MTMR4: variants seen among roughly 807,000 people sequenced by gnomAD.
The protein encoded by MTMR4 is phosphatidylinositol-3,5-bisphosphate 3-phosphatase MTMR4.
Under a neutral mutation model 125.5 loss-of-function variants are expected in MTMR4, and 30 were observed. The observed-to-expected ratio is 0.24, with a 90% CI of 0.18 to 0.32. The LOEUF (loss-of-function observed/expected upper bound fraction) is 0.32. MTMR4 is among the 10% of genes least tolerant of loss of function. MTMR4 has a pLI of 1.00. For missense variants in MTMR4, 1,039 were observed against 1,511.5 expected, an observed-to-expected ratio of 0.69 and a Z score of 5.18; for synonymous variants, 498 against 564.5, an observed-to-expected ratio of 0.88 and a Z score of 1.67.
At chr17:58,510,814 G>A (rs1287555805) in intron 4 of MTMR4, 1 of 151,956 alleles carries the variant, frequency 6.6e-6, no homozygotes, top group Non-Finnish European at 1.5e-5. Context: ...TAAGCTGAAG[G>A]GATCTTCCCA....
At chr17:58,513,100 A>C (rs1435009378) in intron 1 of MTMR4, among the ~76,000 whole-genome samples, 159 bp from the exon 2 acceptor site, 2 of 152,180 alleles carry the variant, frequency 1.3e-5, no homozygotes, top group African/African-American at 2.4e-5. Context: ...TTGGTTGGAG[A>C]CAGGGAAGGG....
upstream of MTMR4, chr17:58,514,947 C>T (rs368545635): frequency 5.3e-6 from 5 of 937,154 alleles, no homozygotes; most frequent in Non-Finnish European, 5.1e-6. Context: ...CTCACCTACC[C>T]GCACCCCATT....
intron 14 of MTMR4, among the ~76,000 whole-genome samples, chr17:58,502,824 G>A (rs1411786442): frequency 6.6e-6 from 1 of 152,128 alleles, no homozygotes; most frequent in African/African-American, 2.4e-5. Flanking sequence ...ACACCTGTGG[G>A]GACAAGGATC....
Position 58,494,613 on chromosome 17 carries a change from C to T in MTMR4, c.3252+319G>A, listed in dbSNP as rs142910009. On this transcript the variant is annotated intron_variant, in intron 15 of 17. Coordinates refer to ENST00000682306, the MANE Select transcript of MTMR4 (RefSeq NM_001378067.1). ...CATATCATTGGAGTATCTATTGCCA[C>T]TACGCTTCTGCAAATGGTGTTTTGT... Among the ~76,000 whole-genome samples the T allele has an allele frequency of 1.1e-4, 17 of 152,312 alleles. No individual in the cohort carries two copies. In the East Asian group the frequency reaches 1.4e-3, roughly 12 times the overall value.
At chr17:58,499,012 C>T (rs933911627) in intron 14 of MTMR4, among the ~76,000 whole-genome samples, 1 of 152,118 alleles carries the variant, frequency 6.6e-6, no homozygotes. Context: ...GCTGGCTGGT[C>T]TCTGTGCCTC....
At chr17:58,513,803 G>A (rs966582366) in intron 1 of MTMR4, among the ~76,000 whole-genome samples, 8 of 152,044 alleles carry the variant, frequency 5.3e-5, no homozygotes, top group Non-Finnish European at 1.0e-4. Flanking sequence ...GCGGGAGGAG[G>A]GGAGGACCGG....
chr17:58,492,951 G>A lies in MTMR4; in HGVS notation c.3254C>T (p.Thr1085Ile), dbSNP rs761920065. ...ACTGCCATCTGACTCCTTCAAACAT[G>A]TCTGATGAAAAGGCAAAGACAACAA... ...EPPMDYEDDF[T>I]CLKESDGSDT... is the part of the protein sequence containing the mutation. Residue 1085 changes from threonine to isoleucine, a missense_variant and splice_region_variant, in exon 16 of 18, where the codon ACA becomes ATA. Thr to Ile is a moderately conservative substitution (Grantham distance 89). This residue lies in a region of MTMR4 where 619 missense variants were observed against 714.5 expected (regional missense o/e 0.87). Coordinates refer to ENST00000682306, the MANE Select transcript of MTMR4 (RefSeq NM_001378067.1). 1 of 1,613,548 alleles carries A rather than the reference G, an allele frequency of 6.2e-7. No homozygotes were observed. The highest frequency in any genetic ancestry group is 8.5e-7 in the Non-Finnish European group (1 of 1,179,474).
chr17:58,492,793 T>G (rs1307160185), intron 16 of MTMR4, 49 bp downstream of exon 16: 1 of 1,520,678 alleles, frequency 6.6e-7, no homozygotes, highest in Non-Finnish European at 9.1e-7. Flanking sequence ...GAAAATATGA[T>G]GACTCACTGG....
rs1236115396 is a variant in MTMR4, at chr17:58,490,302, T to C, written c.*1361A>G. On this transcript the variant is annotated 3_prime_UTR_variant, in exon 18 of 18. Transcript: ENST00000682306. ...TAAGGAAAACTGTATAAAGTCCTAG[T>C]GGTTTCATTATAGGCCAAGGAGACT... 1 of 152,760 alleles carries C rather than the reference T, an allele frequency of 6.5e-6. No individual in the cohort carries two copies. Among genetic ancestry groups the C allele is most frequent in the African/African-American group, 2.4e-5 (1 of 41,568 alleles). 9.5% of individuals were successfully genotyped at this position (152,760 alleles called of 1,614,324 possible). A position where few individuals can be genotyped will look rare whatever the true frequency, so the allele number is the denominator to read the frequency against.
rs1359991906 is a variant in MTMR4 at position 58,489,732 on chromosome 17, C to T, written c.*1931G>A. ...TCTCCAAGGCCATGCAGTTTGTTCACTGATGGGACAGTCCCTCAAAACAGC... is the reference window on the plus strand; with the variant it reads ...TCTCCAAGGCCATGCAGTTTGTTCATTGATGGGACAGTCCCTCAAAACAGC... On this transcript the variant is annotated 3_prime_UTR_variant, in exon 18 of 18. Coordinates refer to ENST00000682306, the MANE Select transcript of MTMR4 (RefSeq NM_001378067.1). 2 of 152,490 alleles carry T rather than the reference C, an allele frequency of 1.3e-5. No homozygotes were observed. The highest frequency in any genetic ancestry group is 2.9e-5 in the Non-Finnish European group (2 of 68,040). The allele number at this position is 152,490 out of a possible 1,614,324, so 9.4% of individuals were successfully genotyped here. A position where few individuals can be genotyped will look rare whatever the true frequency, so the allele number is the denominator to read the frequency against.
At chr17:58,492,085 A>G (rs1229606250) in intron 17 of MTMR4, among the ~76,000 whole-genome samples, 3 of 152,242 alleles carry the variant, frequency 2.0e-5, no homozygotes, top group Non-Finnish European at 4.4e-5. Flanking sequence ...AAAGTTGGGG[A>G]CAAACAAAAA....
At chr17:58,517,433 G>A (rs564908285), upstream of MTMR4, among the ~76,000 whole-genome samples, 1 of 152,372 alleles carries the variant, frequency 6.6e-6, no homozygotes, top group East Asian at 1.9e-4. Context: ...TCCATCTGTG[G>A]TACTGCCCAC....
chr17:58,512,766 T>C lies in MTMR4; in HGVS notation c.135+86A>G, dbSNP rs1431126650. 1 of 1,166,922 alleles carries C rather than the reference T, an allele frequency of 8.6e-7. No individual in the cohort carries two copies. Among genetic ancestry groups the C allele is most frequent in the East Asian group, 2.3e-5 (1 of 42,624 alleles). 72.3% of individuals were successfully genotyped at this position (1,166,922 alleles called of 1,614,324 possible). On this transcript the variant is annotated intron_variant, in intron 2 of 17. Transcript: ENST00000682306. The surrounding 1 kb of genome is among the most constrained non-coding windows in gnomAD (Gnocchi z 4.1). ...ATGAAGCCAGAGCTCTGGTACCAGA[T>C]GCCCTTGAGGATTTTTGGGAGAAGG... is the stretch of plus-strand genomic sequence containing the variant.
chr17:58,510,096 C>T (rs1054673877), intron 4 of MTMR4, among the ~76,000 whole-genome samples: 3 of 152,078 alleles, frequency 2.0e-5, no homozygotes, highest in African/African-American at 7.2e-5. Flanking sequence ...TGCTCTTGCC[C>T]CCATTCTCTT....
rs754779839 is a variant in MTMR4 at position 58,496,220 on chromosome 17, C to G, written c.1964G>C (p.Arg655Thr). Residue 655 changes from arginine (R) to threonine (T), a missense_variant, in exon 15 of 18, where the codon AGG becomes ACG. Coordinates refer to ENST00000682306, the MANE Select transcript of MTMR4 (RefSeq NM_001378067.1). Reference sequence around the variant, plus strand: ...GCTGTGCCAGGGCTCCAGGCCTACCCTGACCTCCTGACAGTGGTTATTCAG... The same window carrying G: ...GCTGTGCCAGGGCTCCAGGCCTACCGTGACCTCCTGACAGTGGTTATTCAG... Reference protein sequence around the residue: ...PNLNNHCQEVRVGLEPWHSNP... With the variant: ...PNLNNHCQEVTVGLEPWHSNP... 2.5e-6 allele frequency: 4 copies of G among 1,614,196 alleles called. No individual in the cohort carries two copies. In the South Asian group the frequency reaches 4.4e-5, roughly 18 times the overall value.
chr17:58,499,440 G>A (rs1471646027), intron 14 of MTMR4, among the ~76,000 whole-genome samples: 2 of 151,856 alleles, frequency 1.3e-5, no homozygotes, highest in African/African-American at 4.8e-5. Flanking sequence ...CCAGTTACTC[G>A]GGAGGCTGAG....
In MTMR4 at chr17:58,512,778, T is replaced by G; in HGVS notation, c.135+74A>C. ...CTCTGGTACCAGATGCCCTTGAGGA[T>G]TTTTGGGAGAAGGGAGGGTGTTTTT... On this transcript the variant is annotated intron_variant, in intron 2 of 17. Coordinates refer to ENST00000682306, the MANE Select transcript of MTMR4 (RefSeq NM_001378067.1). The surrounding 1 kb of genome is among the most constrained non-coding windows in gnomAD (Gnocchi z 4.1). The G allele has an allele frequency of 7.6e-7, 1 of 1,322,722 alleles. No individual in the cohort carries two copies. The highest frequency in any genetic ancestry group is 2.3e-5 in the East Asian group (1 of 43,238). The allele number at this position is 1,322,722 out of a possible 1,614,324, so 81.9% of individuals were successfully genotyped here.
At chr17:58,518,228 T>C (rs1011870310), upstream of MTMR4, among the ~76,000 whole-genome samples, 2 of 152,208 alleles carry the variant, frequency 1.3e-5, no homozygotes. Flanking sequence ...TGGAGGCGGC[T>C]CGTCGCCTAC....
Position 58,504,047 on chromosome 17 carries a change from C to T in MTMR4, c.1698+3G>A. 7.7e-6 allele frequency: 12 copies of T among 1,548,756 alleles called. No homozygotes were observed. Among genetic ancestry groups the T allele is most frequent in the Non-Finnish European group, 1.0e-5 (12 of 1,149,394 alleles). On this transcript the variant is annotated splice_donor_region_variant and intron_variant, in intron 13 of 17. Transcript: ENST00000682306. This position sits in a 1 kb window ranked among gnomAD's most constrained non-coding sequence, Gnocchi z 7.1. ...CACCTACAGGAAAAGGGCTCAGACTCACCATGTCTGAGCTGGGTGTGTAGA... is the reference window on the plus strand; with the variant it reads ...CACCTACAGGAAAAGGGCTCAGACTTACCATGTCTGAGCTGGGTGTGTAGA...
Sources: allele counts gnomAD v4.1 joint callset (sites outside exome capture counted in the v4.1 genomes callset), GRCh38; gene constraint gnomAD v4.1.1; regional missense constraint gnomAD v4.1.1; non-coding constraint Gnocchi (gnomAD v3.1); transcripts MANE v1.5; gene names NCBI Gene and HGNC (gene_info 2026-07-23, HGNC 2026-07-21).